Variants in SPATA16 observed in about 807,000 individuals in gnomAD.
The protein encoded by SPATA16 is spermatogenesis-associated protein 16.
SPATA16 carries 36 observed loss-of-function variants against 63.3 expected under a neutral mutation model. That is an observed-to-expected ratio of 0.57 (90% CI 0.44 to 0.75). The LOEUF (loss-of-function observed/expected upper bound fraction) is 0.75, where lower values mean the gene tolerates loss of function less well. Ranked by LOEUF, SPATA16 falls within the 30% of genes least tolerant of loss-of-function variation. The pLI is 0.00. For synonymous variants in SPATA16, 203 were observed against 216.7 expected (o/e 0.94, Z 0.56); for missense variants, 646 against 679.3 (o/e 0.95, Z 0.54).
chr3:173,013,258 A>C (rs956640966), intron 4 of SPATA16, among the ~76,000 whole-genome samples: 14 of 152,240 alleles, frequency 9.2e-5, no homozygotes, highest in African/African-American at 3.4e-4. Context: ...CTAAAAAGTC[A>C]AAAAATAATA....
intron 2 of SPATA16, among the ~76,000 whole-genome samples, chr3:173,060,229 C>T (rs1447563037): frequency 6.6e-6 from 1 of 152,020 alleles, no homozygotes; most frequent in Non-Finnish European, 1.5e-5. Flanking sequence ...TGCACTCCAG[C>T]CCAGGTGACA....
At chr3:172,964,264 C>A (rs1230954884) in intron 5 of SPATA16, among the ~76,000 whole-genome samples, 1 of 152,176 alleles carries the variant, frequency 6.6e-6, no homozygotes, top group Non-Finnish European at 1.5e-5. Context: ...TAAATAATAA[C>A]ATGCTTAGGT....
At chr3:173,054,631 T>C (rs1299232158) in intron 2 of SPATA16, among the ~76,000 whole-genome samples, 4 of 151,682 alleles carry the variant, frequency 2.6e-5, no homozygotes, top group Non-Finnish European at 4.4e-5. Flanking sequence ...CCAGGGCCTA[T>C]TGGGGGTGGG....
chr3:173,111,351 A>G (rs915831394), intron 2 of SPATA16, among the ~76,000 whole-genome samples: 5 of 152,094 alleles, frequency 3.3e-5, no homozygotes, highest in Admixed American at 1.3e-4. Flanking sequence ...CAGAGCTTAC[A>G]GTGAGCCGAG....
At chr3:173,089,366 A>T (rs1049487831) in intron 2 of SPATA16, among the ~76,000 whole-genome samples, 1 of 152,184 alleles carries the variant, frequency 6.6e-6, no homozygotes, top group African/African-American at 2.4e-5. Flanking sequence ...TTTTAGCTTC[A>T]CTATACAAAT....
intron 2 of SPATA16, among the ~76,000 whole-genome samples, chr3:173,049,298 G>T (rs1010002730): frequency 6.6e-6 from 1 of 151,712 alleles, no homozygotes; most frequent in African/African-American, 2.4e-5. Flanking sequence ...TAAATAAATT[G>T]TTCCTGTTCA....
rs181184951 is a variant in SPATA16, at chr3:172,903,133, G to T, written c.1587+10528C>A. Among the ~76,000 whole-genome samples the T allele has an allele frequency of 3.3e-3, 501 of 152,276 alleles. 4 individuals are homozygous for T. The highest frequency in any genetic ancestry group is 0.011 in the African/African-American group (467 of 41,542). On this transcript the variant is annotated intron_variant, in intron 10 of 10. Coordinates refer to ENST00000351008, the MANE Select transcript of SPATA16 (RefSeq NM_031955.6). Reference sequence around the variant, plus strand: ...CCAGAATTATAAAGGATTGCAAAACGTAATGTATAAAAGACAGGCAATAAA... The same window carrying T: ...CCAGAATTATAAAGGATTGCAAAACTTAATGTATAAAAGACAGGCAATAAA...
chr3:172,924,952 G>C (rs757003702), intron 7 of SPATA16, among the ~76,000 whole-genome samples: 1 of 152,096 alleles, frequency 6.6e-6, no homozygotes, highest in Non-Finnish European at 1.5e-5. Flanking sequence ...AGAAAAGCGG[G>C]GAAGAGACAT....
At chr3:172,991,601 C>T (rs970037452) in intron 4 of SPATA16, among the ~76,000 whole-genome samples, 14 of 152,096 alleles carry the variant, frequency 9.2e-5, no homozygotes, top group Admixed American at 3.3e-4. Context: ...TTGATTTTTA[C>T]GCTGAAATTG....
chr3:173,048,888 A>C, intron 3 of SPATA16, 61 bp downstream of exon 3: 1 of 1,586,740 alleles, frequency 6.3e-7, no homozygotes, highest in South Asian at 1.1e-5. Context: ...AGGCAAGCTC[A>C]GATAGTACCC....
intron 6 of SPATA16, among the ~76,000 whole-genome samples, chr3:172,955,596 C>G (rs1039328448): frequency 6.6e-6 from 1 of 152,036 alleles, no homozygotes; most frequent in African/African-American, 2.4e-5. Flanking sequence ...ATTTACTATT[C>G]TGTTATCACT....
chr3:173,128,018 T>A (rs970431607), intron 1 of SPATA16, among the ~76,000 whole-genome samples: 3 of 152,180 alleles, frequency 2.0e-5, no homozygotes, highest in Non-Finnish European at 4.4e-5. Flanking sequence ...AAAGTACAAA[T>A]ATTTTTAAAT....
intron 2 of SPATA16, among the ~76,000 whole-genome samples, chr3:173,108,153 T>G (rs1484790672): frequency 2.6e-5 from 4 of 152,218 alleles, no homozygotes; most frequent in Non-Finnish European, 5.9e-5. Flanking sequence ...TTCATTTTTT[T>G]CGGTGAAGTT....
intron 1 of SPATA16, among the ~76,000 whole-genome samples, chr3:173,125,762 C>G (rs1738210255): frequency 6.6e-6 from 1 of 152,172 alleles, no homozygotes. Context: ...GCATTTCATT[C>G]ATATTTATAT....
Position 173,044,349 on chromosome 3 carries a change from C to T in SPATA16, c.758+4600G>A, listed in dbSNP as rs906185184. Among the ~76,000 whole-genome samples the T allele has an allele frequency of 2.6e-5, 4 of 152,060 alleles. No homozygotes were observed. In the South Asian group the frequency reaches 6.2e-4, roughly 24 times the overall value. ...TCGATTTGTCTTCAACTTCACTAGT[C>T]CTTTCTTTAGCATTCTCCAAACTGA... On this transcript the variant is annotated intron_variant, in intron 3 of 10. Coordinates refer to ENST00000351008, the MANE Select transcript of SPATA16 (RefSeq NM_031955.6).
intron 4 of SPATA16, among the ~76,000 whole-genome samples, chr3:173,016,831 C>T (rs1019998311): frequency 1.3e-5 from 2 of 151,980 alleles, no homozygotes; most frequent in Non-Finnish European, 2.9e-5. Flanking sequence ...CTGGCCAACA[C>T]GGTGAAACCC....
At chr3:172,913,834 T>TCAGCGTACAAATGA in intron 9 of SPATA16, 90 bp from the exon 10 acceptor site, 1 of 1,122,476 alleles carries the variant, frequency 8.9e-7, no homozygotes, top group Non-Finnish European at 1.3e-6. Context: ...TAAAAAATCA[T>TCAGCGTACAAATGA]TTGTACGCTG....
intron 4 of SPATA16, among the ~76,000 whole-genome samples, chr3:173,013,319 G>T (rs1334849918): frequency 1.3e-5 from 2 of 152,204 alleles, no homozygotes; most frequent in African/African-American, 2.4e-5. Context: ...CTCTTGGTGG[G>T]AATGTAAATT....
intron 2 of SPATA16, among the ~76,000 whole-genome samples, chr3:173,057,782 C>G (rs1427473059): frequency 6.6e-6 from 1 of 152,132 alleles, no homozygotes; most frequent in African/African-American, 2.4e-5. Flanking sequence ...AGCAAATCAA[C>G]AGAAAAACAT....
Sources: gnomAD v4.1 joint callset for allele counts (sites outside exome capture counted in the v4.1 genomes callset) on GRCh38, gnomAD v4.1.1 for gene constraint, MANE v1.5 for transcripts, NCBI Gene and HGNC (gene_info 2026-07-23, HGNC 2026-07-21) for gene names.